The following INPP4A variants were observed in gnomAD, a reference collection of about 807,000 sequenced individuals.
INPP4A encodes the protein inositol polyphosphate-4-phosphatase, type I, 107kD.
In INPP4A, 33 loss-of-function variants were observed where a neutral mutation model predicts 119.8. The observed-to-expected ratio is 0.28, with a 90% CI of 0.21 to 0.37. The LOEUF (loss-of-function observed/expected upper bound fraction) is 0.37. Ranked by LOEUF, INPP4A falls within the 10% of genes least tolerant of loss-of-function variation. The probability of loss-of-function intolerance (pLI) is 1.00; values close to 1 mark genes in which losing one functional copy is unlikely to be tolerated. For synonymous variants in INPP4A, 496 were observed against 500.7 expected, an observed-to-expected ratio of 0.99 and a Z score of 0.12; for missense variants, 956 against 1,289.9, an observed-to-expected ratio of 0.74 and a Z score of 3.97.
intron 1 of INPP4A, among the ~76,000 whole-genome samples, chr2:98,494,700 A>G (rs887934045): frequency 2.0e-5 from 3 of 152,196 alleles, no homozygotes; most frequent in African/African-American, 7.2e-5. Context: ...TGGGCCAGAG[A>G]CCAGGAAAGA....
chr2:98,568,298 T>G (rs566238531), intron 21 of INPP4A, among the ~76,000 whole-genome samples: 3 of 152,330 alleles, frequency 2.0e-5, no homozygotes, highest in East Asian at 3.9e-4. Flanking sequence ...GGGGGGATCC[T>G]GTGCTGCACA....
At chr2:98,477,291 G>GTC (rs1188099221) in intron 1 of INPP4A, among the ~76,000 whole-genome samples, 1 of 152,218 alleles carries the variant, frequency 6.6e-6, no homozygotes, top group Non-Finnish European at 1.5e-5. Context: ...CCGCCGTCCC[G>GTC]TCTCCCTGAG....
chr2:98,491,356 T>G (rs990164959), intron 1 of INPP4A, among the ~76,000 whole-genome samples: 5 of 152,246 alleles, frequency 3.3e-5, no homozygotes, highest in African/African-American at 4.8e-5. Flanking sequence ...GAAAGTCAGC[T>G]GAGTGCCCTG....
At chr2:98,568,982 A>G in intron 22 of INPP4A, 1 of 245,628 alleles carries the variant, frequency 4.1e-6, no homozygotes, top group Non-Finnish European at 8.0e-6. Context: ...TGGGGGAATC[A>G]CAGAGGCAGG....
chr2:98,449,805 C>G (rs1161605902), intron 1 of INPP4A, among the ~76,000 whole-genome samples: 1 of 152,232 alleles, frequency 6.6e-6, no homozygotes, highest in East Asian at 1.9e-4. Flanking sequence ...TTGAAACTGT[C>G]TGTTTCCCTT....
At chr2:98,511,174 C>T (rs1685063998) in intron 1 of INPP4A, among the ~76,000 whole-genome samples, 1 of 152,122 alleles carries the variant, frequency 6.6e-6, no homozygotes, top group African/African-American at 2.4e-5. Flanking sequence ...ATTCTTCTGC[C>T]TCAGCCTCCC....
In INPP4A at chr2:98,474,804, A is replaced by C. The variant is rs77187176; in HGVS notation, c.-166+29719A>C. On this transcript the variant is annotated intron_variant, in intron 1 of 24. Transcript: ENST00000409851. ...TCATGGATAAAAACATCTTCAAATA[A>C]GTTTTCTTATGCACCAAACCCATCT... is the stretch of plus-strand genomic sequence containing the variant. Among the ~76,000 whole-genome samples, 154 of 152,282 alleles carry C rather than the reference A, an allele frequency of 1.0e-3. 3 individuals carry two copies. The East Asian group carries it at 0.027, about 27-fold the overall frequency.
chr2:98,546,087 T>C lies in INPP4A; in HGVS notation c.1054+14T>C. 6.6e-7 allele frequency: 1 copy of C among 1,523,458 alleles called. No homozygotes were observed. The highest frequency in any genetic ancestry group is 8.9e-7 in the Non-Finnish European group (1 of 1,118,054). The allele number at this position is 1,523,458 out of a possible 1,614,324, so 94.4% of individuals were successfully genotyped here. ...ATGGAGGATCAGGTACCTATTTTTC[T>C]GCTCCCTCTTGTTGAATCACATTTC... On this transcript the variant is annotated intron_variant, in intron 12 of 24. Coordinates refer to ENST00000409851, the MANE Select transcript of INPP4A (RefSeq NM_001134225.2). The surrounding 1 kb of genome is among the most constrained non-coding windows in gnomAD (Gnocchi z 4.2).
At chr2:98,574,066 C>G (rs1340039218) in intron 23 of INPP4A, among the ~76,000 whole-genome samples, 1 of 152,124 alleles carries the variant, frequency 6.6e-6, no homozygotes, top group African/African-American at 2.4e-5. Flanking sequence ...CACAAAGTGA[C>G]AGGAAGTTCG....
Position 98,546,107 on chromosome 2 carries a change from C to T in INPP4A, c.1054+34C>T, listed in dbSNP as rs1298426340. The stretch of plus-strand genomic sequence containing the variant: ...TTTTCTGCTCCCTCTTGTTGAATCA[C>T]ATTTCGCTGCTTTTCTCTGTGGGTA... On this transcript the variant is annotated intron_variant, in intron 12 of 24. Coordinates refer to ENST00000409851, the MANE Select transcript of INPP4A (RefSeq NM_001134225.2). This position sits in a 1 kb window ranked among gnomAD's most constrained non-coding sequence, Gnocchi z 4.2. 12 of 1,414,356 alleles carry T rather than the reference C, an allele frequency of 8.5e-6. No homozygotes were observed. Among genetic ancestry groups the T allele is most frequent in the Admixed American group, 5.9e-5 (3 of 50,890 alleles). 87.6% of individuals were successfully genotyped at this position (1,414,356 alleles called of 1,614,324 possible). A position where few individuals can be genotyped will look rare whatever the true frequency, so the allele number is the denominator to read the frequency against.
At chr2:98,555,973 G>A in intron 16 of INPP4A, 165 bp downstream of exon 16, 1 of 775,438 alleles carries the variant, frequency 1.3e-6, no homozygotes, top group Non-Finnish European at 2.0e-6. Context: ...GGCAGTGAGA[G>A]CGGAGTCTCC....
At chr2:98,577,352 T>C (rs1698603522) in intron 24 of INPP4A, among the ~76,000 whole-genome samples, 1 of 152,212 alleles carries the variant, frequency 6.6e-6, no homozygotes, top group South Asian at 2.1e-4. Context: ...GGGTAACAGC[T>C]AGCAGGACTT....
rs902883977 is a variant in INPP4A at position 98,589,901 on chromosome 2, C to T, written c.*2293C>T. ...TGTAATGTGGATTCTGTCAGAGCTC[C>T]TACAGAGCACAGTTGCCTTTAGTTT... On this transcript the variant is annotated 3_prime_UTR_variant, in exon 25 of 25. Coordinates refer to ENST00000409851, the MANE Select transcript of INPP4A (RefSeq NM_001134225.2). 5.0e-6 allele frequency: 1 copy of T among 198,020 alleles called. No individual in the cohort carries two copies. Among genetic ancestry groups the T allele is most frequent in the African/African-American group, 2.3e-5 (1 of 43,300 alleles). 12.3% of individuals were successfully genotyped at this position (198,020 alleles called of 1,614,324 possible).
intron 1 of INPP4A, among the ~76,000 whole-genome samples, chr2:98,514,859 C>T (rs1375708044): frequency 6.6e-6 from 1 of 151,600 alleles, no homozygotes; most frequent in East Asian, 1.9e-4. Context: ...TTTGAGGCTA[C>T]AATAAGCCTG....
chr2:98,568,531 G>T, intron 21 of INPP4A, 40 bp from the exon 22 acceptor site: 2 of 1,009,076 alleles, frequency 2.0e-6, no homozygotes, highest in South Asian at 2.8e-5. Context: ...AGAAGAAAGT[G>T]ACATTAGCCA....
intron 23 of INPP4A, among the ~76,000 whole-genome samples, chr2:98,574,325 T>C (rs1402719103): frequency 1.3e-5 from 2 of 151,980 alleles, no homozygotes; most frequent in Non-Finnish European, 2.9e-5. Context: ...AAAGCAAGCC[T>C]TTCCCACAGG....
chr2:98,578,107 A>G (rs1276752006), intron 24 of INPP4A, among the ~76,000 whole-genome samples: 5 of 152,154 alleles, frequency 3.3e-5, no homozygotes, highest in African/African-American at 1.2e-4. Flanking sequence ...TTCCAAGTTC[A>G]TCTCAACCTC....
At chr2:98,531,008 A>T (rs920750126) in intron 4 of INPP4A, among the ~76,000 whole-genome samples, 1 of 152,256 alleles carries the variant, frequency 6.6e-6, no homozygotes, top group African/African-American at 2.4e-5. Flanking sequence ...GTGTTCTCAC[A>T]TGGCAGAGAG....
At position 98,566,236 on chromosome 2, in the gene INPP4A, AC is replaced by A. The variant is rs879835011; in HGVS notation, c.2420+71del. 8 of 1,449,674 alleles carry A rather than the reference AC, an allele frequency of 5.5e-6. No homozygotes were observed. Among genetic ancestry groups the A allele is most frequent in the Non-Finnish European group, 7.4e-6 (8 of 1,086,542 alleles). The allele number at this position is 1,449,674 out of a possible 1,614,324, so 89.8% of individuals were successfully genotyped here. A position where few individuals can be genotyped will look rare whatever the true frequency, so the allele number is the denominator to read the frequency against. On this transcript the variant is annotated intron_variant, in intron 21 of 24. Coordinates refer to ENST00000409851, the MANE Select transcript of INPP4A (RefSeq NM_001134225.2). This position sits in a 1 kb window ranked among gnomAD's most constrained non-coding sequence, Gnocchi z 4.2. ...TGGAGATGATGCAGAAAACGTACTT[AC>A]CCCTCTTCAGGCTCTAAGTGCTGGA... is the stretch of plus-strand genomic sequence containing the variant.
Sources: gnomAD v4.1 joint callset for allele counts (sites outside exome capture counted in the v4.1 genomes callset) on GRCh38, gnomAD v4.1.1 for gene constraint, Gnocchi (gnomAD v3.1) non-coding constraint, MANE v1.5 for transcripts, NCBI Gene and HGNC (gene_info 2026-07-23, HGNC 2026-07-21) for gene names.